EPS15: variants seen among roughly 807,000 people sequenced by gnomAD.
The protein encoded by EPS15 is epidermal growth factor receptor substrate 15.
In EPS15, 72 loss-of-function variants were observed where a neutral mutation model predicts 113.8. That is an observed-to-expected ratio of 0.63 (90% CI 0.52 to 0.77). EPS15 has a LOEUF of 0.77. Among genes scored for constraint, EPS15 ranks in the 30% least tolerant of loss-of-function variants. The pLI is 0.00. For synonymous variants in EPS15, 344 were observed against 363.4 expected (o/e 0.95, Z 0.61); for missense variants, 1,048 against 1,045.8 (o/e 1.00, Z -0.03).
intron 13 of EPS15, among the ~76,000 whole-genome samples, chr1:51,410,825 A>T (rs535381439): frequency 6.6e-6 from 1 of 152,366 alleles, no homozygotes; most frequent in Non-Finnish European, 1.5e-5. Context: ...AGATAGCACC[A>T]TTATGATAAT....
At position 51,408,091 on chromosome 1, in the gene EPS15, C is replaced by T. The variant is rs748028302; in HGVS notation, c.1473+44G>A. 1.2e-5 allele frequency: 18 copies of T among 1,519,156 alleles called. No individual in the cohort carries two copies. The African/African-American group carries it at 1.9e-4, about 16-fold the overall frequency. The allele number at this position is 1,519,156 out of a possible 1,614,324, so 94.1% of individuals were successfully genotyped here. On this transcript the variant is annotated intron_variant, in intron 15 of 24. Coordinates refer to ENST00000371733, the MANE Select transcript of EPS15 (RefSeq NM_001981.3). ...GGAAAGTATAACTGACTAAAGGACACAGAGGATCCATTTGAATATATTTCT... is the reference window on the plus strand; with the variant it reads ...GGAAAGTATAACTGACTAAAGGACATAGAGGATCCATTTGAATATATTTCT...
chr1:51,423,720 A>C, intron 12 of EPS15: 1 of 985,474 alleles, frequency 1.0e-6, no homozygotes, highest in Non-Finnish European at 1.2e-6. Context: ...TCAAGTGTGC[A>C]TGCAGGAAAA....
chr1:51,464,942 T>C (rs537733322), intron 6 of EPS15, among the ~76,000 whole-genome samples: 1 of 152,300 alleles, frequency 6.6e-6, no homozygotes, highest in Non-Finnish European at 1.5e-5. Flanking sequence ...ATCTAGAAAA[T>C]ACATAGTTAA....
At position 51,508,327 on chromosome 1, in the gene EPS15, A is replaced by AG. The variant is rs1644550838; in HGVS notation, c.33+10871_33+10872insC. Among the ~76,000 whole-genome samples, 4 of 134,242 alleles carry AG rather than the reference A, an allele frequency of 3.0e-5. No individual in the cohort carries two copies. The South Asian group carries it at 9.1e-4, about 30-fold the overall frequency. The allele number at this position is 134,242 out of a possible 152,430, so 88.1% of individuals were successfully genotyped here. A position where few individuals can be genotyped will look rare whatever the true frequency, so the allele number is the denominator to read the frequency against. On this transcript the variant is annotated intron_variant, in intron 1 of 24. Transcript: ENST00000371733. Reference sequence around the variant, plus strand: ...GAAAGAGAGAAAGAGAGAAAGAGAGAAAGAGAAAGAGAGAAAGAAAGAAAG... The same window carrying AG: ...GAAAGAGAGAAAGAGAGAAAGAGAGAGAAGAGAAAGAGAGAAAGAAAGAAAG...
chr1:51,371,120 T>A (rs939851811), intron 21 of EPS15, among the ~76,000 whole-genome samples: 4 of 152,094 alleles, frequency 2.6e-5, no homozygotes, highest in Admixed American at 6.6e-5. Context: ...AGTTTCACCA[T>A]GTTGGCCAGG....
At chr1:51,475,807 G>T (rs1299771256) in intron 2 of EPS15, among the ~76,000 whole-genome samples, 1 of 152,130 alleles carries the variant, frequency 6.6e-6, no homozygotes, top group African/African-American at 2.4e-5. Context: ...GTTTTTATGG[G>T]TTTTAGGTCT....
rs762960255 is a variant in EPS15, at chr1:51,472,845, T to C, written c.165+14A>G. On this transcript the variant is annotated intron_variant, in intron 3 of 24. Coordinates refer to ENST00000371733, the MANE Select transcript of EPS15 (RefSeq NM_001981.3). ...TTACAAACTTATAATCTAGTTATAA[T>C]GAACGAATACTACCTTTCCAAGTAT... is the stretch of plus-strand genomic sequence containing the variant. The C allele has an allele frequency of 1.9e-6, 3 of 1,584,250 alleles. No homozygotes were observed. Among genetic ancestry groups the C allele is most frequent in the South Asian group, 2.2e-5 (2 of 90,448 alleles).
chr1:51,513,455 A>G (rs1268639930), intron 1 of EPS15, among the ~76,000 whole-genome samples: 1 of 152,244 alleles, frequency 6.6e-6, no homozygotes, highest in Admixed American at 6.5e-5. Flanking sequence ...TAAACAGCTT[A>G]CACAAAAGAA....
At chr1:51,505,383 C>A (rs1383692222) in intron 1 of EPS15, among the ~76,000 whole-genome samples, 1 of 152,140 alleles carries the variant, frequency 6.6e-6, no homozygotes, top group Non-Finnish European at 1.5e-5. Flanking sequence ...CTTGCTGCAA[C>A]ATAGATAAAC....
intron 13 of EPS15, among the ~76,000 whole-genome samples, chr1:51,413,869 C>A (rs1304963194): frequency 6.6e-6 from 1 of 152,114 alleles, no homozygotes; most frequent in East Asian, 1.9e-4. Flanking sequence ...CCACCTCAGC[C>A]TCCCAAGTAG....
chr1:51,507,551 C>G (rs1293613752), intron 1 of EPS15, among the ~76,000 whole-genome samples: 1 of 151,806 alleles, frequency 6.6e-6, no homozygotes, highest in Non-Finnish European at 1.5e-5. Flanking sequence ...ATCCCAGCTA[C>G]TTGGGATACT....
At chr1:51,465,435 A>C (rs1654778597) in intron 5 of EPS15, 109 bp from the exon 6 acceptor site, 39 of 631,048 alleles carry the variant, frequency 6.2e-5, no homozygotes, top group East Asian at 8.5e-5. Flanking sequence ...GCTGGATCTC[A>C]ATGCACACAG....
At chr1:51,447,632 A>G (rs754185244) in intron 9 of EPS15, among the ~76,000 whole-genome samples, 3 of 152,210 alleles carry the variant, frequency 2.0e-5, no homozygotes, top group African/African-American at 7.2e-5. Context: ...ACTAGGTATT[A>G]AACAAAAATA....
At chr1:51,401,102 C>G in intron 18 of EPS15, 149 bp from the exon 19 acceptor site, 1 of 530,900 alleles carries the variant, frequency 1.9e-6, no homozygotes, top group East Asian at 3.3e-5. Context: ...TGTCATTGAC[C>G]TTATGAAATA....
intron 20 of EPS15, among the ~76,000 whole-genome samples, chr1:51,398,606 G>A (rs1048725237): frequency 2.0e-5 from 3 of 152,174 alleles, no homozygotes; most frequent in South Asian, 4.1e-4. Flanking sequence ...GTGAGAATTT[G>A]TACTTTGCAG....
chr1:51,513,127 A>AC (rs1249690143), intron 1 of EPS15, among the ~76,000 whole-genome samples: 2 of 152,040 alleles, frequency 1.3e-5, no homozygotes, highest in Middle Eastern at 3.2e-3. Flanking sequence ...CACTATGCCT[A>AC]CCCCAAATTA....
chr1:51,422,917 C>A (rs539116525), intron 12 of EPS15, among the ~76,000 whole-genome samples: 2 of 152,370 alleles, frequency 1.3e-5, no homozygotes, highest in South Asian at 4.1e-4. Flanking sequence ...TTCAAGACTA[C>A]ATTTCAGTTT....
chr1:51,382,575 C>T (rs937884128), intron 21 of EPS15, among the ~76,000 whole-genome samples: 40 of 151,850 alleles, frequency 2.6e-4, no homozygotes, highest in African/African-American at 7.7e-4. Context: ...CCCACCACCA[C>T]GCCTGGCTCA....
chr1:51,400,520 C>A (rs545172823), intron 19 of EPS15, among the ~76,000 whole-genome samples: 87 of 151,132 alleles, frequency 5.8e-4, no homozygotes, highest in Non-Finnish European at 8.6e-4. Flanking sequence ...CACAGTGAGA[C>A]CCTGTCTCTA....
Sources: gnomAD v4.1 joint callset for allele counts (sites outside exome capture counted in the v4.1 genomes callset) on GRCh38, gnomAD v4.1.1 for gene constraint, MANE v1.5 for transcripts, NCBI Gene and HGNC (gene_info 2026-07-23, HGNC 2026-07-21) for gene names.